The following USP33 variants were observed in gnomAD, a reference collection of about 807,000 sequenced individuals.
USP33 encodes ubiquitin specific peptidase 33.
A neutral mutation model predicts 124.2 loss-of-function variants in USP33; 46 were observed. The ratio of observed to expected loss-of-function variants is 0.37; its 90% CI spans 0.29 to 0.47. USP33 has a LOEUF of 0.47. Ranked by LOEUF, USP33 falls within the 20% of genes least tolerant of loss-of-function variation. The pLI, the probability that USP33 is intolerant of heterozygous loss-of-function variation, is 0.99. For synonymous variants in USP33, 350 were observed against 352.3 expected (o/e 0.99, Z 0.07); for missense variants, 851 against 1,070.6 (o/e 0.79, Z 2.86).
intron 7 of USP33, among the ~76,000 whole-genome samples, chr1:77,733,305 G>T (rs2101496812): frequency 6.6e-6 from 1 of 151,732 alleles, no homozygotes; most frequent in East Asian, 1.9e-4. Context: ...GAAGCAGGAG[G>T]ATCACACAAA....
intron 4 of USP33, among the ~76,000 whole-genome samples, chr1:77,740,435 C>G (rs1039622348): frequency 1.3e-5 from 2 of 151,614 alleles, no homozygotes; most frequent in African/African-American, 4.8e-5. Context: ...CTCACTGCAA[C>G]CTCCGCCTCC....
In USP33 at chr1:77,748,785, C is replaced by G. The variant is rs56406553; in HGVS notation, c.-51-7037G>C. 4.0e-4 allele frequency among the ~76,000 whole-genome samples: 44 copies of G among 111,028 alleles called. 1 individual carries two copies. Among genetic ancestry groups the G allele is most frequent in the Middle Eastern group, 4.1e-3 (1 of 242 alleles). The allele number at this position is 111,028 out of a possible 152,430, so 72.8% of individuals were successfully genotyped here. On this transcript the variant is annotated intron_variant, in intron 1 of 23. Transcript: ENST00000370794. ...TTTGGCAGCATTCCTTCCCTCCCCC[C>G]CCCCCCCGTGCTTGAATCAGGATTG...
intron 19 of USP33, among the ~76,000 whole-genome samples, chr1:77,713,846 C>T (rs11801836): frequency 0.052 from 7,938 of 152,170 alleles, 267 homozygotes; most frequent in Non-Finnish European, 0.071. Flanking sequence ...GCCACTGCAC[C>T]CAGCTCAATC....
chr1:77,730,564 T>C, intron 8 of USP33, 54 bp downstream of exon 8: 4 of 1,293,628 alleles, frequency 3.1e-6, no homozygotes, highest in Non-Finnish European at 4.1e-6. Flanking sequence ...TTTAAATATT[T>C]ATAATATTCA....
At chr1:77,753,889 T>C (rs1162091627) in intron 1 of USP33, among the ~76,000 whole-genome samples, 1 of 151,578 alleles carries the variant, frequency 6.6e-6, no homozygotes, top group Non-Finnish European at 1.5e-5. Flanking sequence ...GAGGGTGATA[T>C]AGTAAGTACT....
At chr1:77,714,056 T>C (rs1321721032) in intron 19 of USP33, among the ~76,000 whole-genome samples, 1 of 152,232 alleles carries the variant, frequency 6.6e-6, no homozygotes, top group Non-Finnish European at 1.5e-5. Flanking sequence ...ACAAAGGTCC[T>C]ATTTATTGTA....
At chr1:77,697,546 C>A (rs1288875509) in intron 23 of USP33, 72 bp from the exon 24 acceptor site, 1 of 1,474,068 alleles carries the variant, frequency 6.8e-7, no homozygotes. Flanking sequence ...CATAATGTAC[C>A]CCCCAGCATG....
Position 77,697,325 on chromosome 1 carries a change from A to C in USP33, c.2728T>G (p.Ser910Ala), listed in dbSNP as rs1187353079. The C allele has an allele frequency of 8.1e-6, 13 of 1,600,870 alleles. No individual in the cohort carries two copies. The highest frequency in any genetic ancestry group is 3.4e-6 in the Non-Finnish European group (4 of 1,176,208). Residue 910 changes from serine (S) to alanine (A), a missense_variant, in exon 24 of 24, where the codon TCT (serine) becomes GCT (alanine). Ser to Ala is a moderately conservative substitution (Grantham distance 99). Around this residue, in one of 4 missense-constraint regions of USP33, gnomAD observed 142 missense variants for 141.8 expected, o/e 1.00. Transcript: ENST00000370794. ...TCTCTACATCCTAAAAATTACAAAG[A>C]CCGAGTTTCTACTTCAATTTTTTCT... is the stretch of plus-strand genomic sequence containing the variant. ...AEEKIEVETR[S>A]L
At chr1:77,750,179 A>T (rs987407747) in intron 1 of USP33, among the ~76,000 whole-genome samples, 3 of 152,048 alleles carry the variant, frequency 2.0e-5, no homozygotes, top group Non-Finnish European at 4.4e-5. Flanking sequence ...TTAGCCGTGC[A>T]TAGTGGTGGG....
At chr1:77,750,638 A>AAGAG (rs2101602162) in intron 1 of USP33, among the ~76,000 whole-genome samples, 1 of 143,626 alleles carries the variant, frequency 7.0e-6, no homozygotes, top group African/African-American at 2.7e-5. Context: ...GAAAGAAAGA[A>AAGAG]AGAAAGAAAG....
chr1:77,726,624 T>G (rs1422476374), intron 10 of USP33, among the ~76,000 whole-genome samples: 3 of 144,980 alleles, frequency 2.1e-5, no homozygotes, highest in African/African-American at 7.9e-5. Context: ...CCAGCCTGGG[T>G]GACAGAATGA....
intron 1 of USP33, 97 bp downstream of exon 1, chr1:77,759,546 G>C: frequency 2.5e-6 from 1 of 398,056 alleles, no homozygotes; most frequent in Non-Finnish European, 4.4e-6. Flanking sequence ...TGCAGCGGCC[G>C]CAACCCCAGC....
intron 21 of USP33, among the ~76,000 whole-genome samples, chr1:77,708,320 C>T (rs934513709): frequency 6.6e-5 from 10 of 152,102 alleles, no homozygotes; most frequent in Non-Finnish European, 1.2e-4. Flanking sequence ...ATGATTTTCC[C>T]CTCTGGTGGC....
At chr1:77,720,239 TTATA>T in intron 15 of USP33, 1 of 827,310 alleles carries the variant, frequency 1.2e-6, no homozygotes, top group Non-Finnish European at 1.5e-6. Flanking sequence ...ATGGTTATTA[TTATA>T]TAATCAAAAT....
At chr1:77,755,694 AC>A (rs1482197945) in intron 1 of USP33, among the ~76,000 whole-genome samples, 1 of 152,200 alleles carries the variant, frequency 6.6e-6, no homozygotes, top group African/African-American at 2.4e-5. Context: ...AGACCCTTTC[AC>A]AAAAAAGTAA....
intron 12 of USP33, 102 bp from the exon 13 acceptor site, chr1:77,722,298 CA>C (rs200115426): frequency 3.4e-5 from 30 of 889,162 alleles, no homozygotes; most frequent in Middle Eastern, 3.2e-4. Flanking sequence ...TTTAAATAAG[CA>C]AAAAAAACAA....
At chr1:77,720,691 T>G (rs1371879639) in intron 15 of USP33, 1 of 843,316 alleles carries the variant, frequency 1.2e-6, no homozygotes, top group Non-Finnish European at 1.4e-6. Context: ...CTAAGAAGCA[T>G]TAAAAGTCTA....
At chr1:77,752,873 T>G (rs1232768230) in intron 1 of USP33, among the ~76,000 whole-genome samples, 1 of 151,474 alleles carries the variant, frequency 6.6e-6, no homozygotes, top group Non-Finnish European at 1.5e-5. Flanking sequence ...AGGTCAGGAG[T>G]TCATTACCAG....
chr1:77,730,495 G>C, intron 8 of USP33, 123 bp downstream of exon 8: 1 of 626,236 alleles, frequency 1.6e-6, no homozygotes, highest in Non-Finnish European at 2.5e-6. Context: ...CTGAAACAAA[G>C]CTGTCTCTAA....
Sources: gnomAD v4.1 joint callset for allele counts (sites outside exome capture counted in the v4.1 genomes callset) on GRCh38, gnomAD v4.1.1 for gene constraint, gnomAD v4.1.1 regional missense constraint, MANE v1.5 for transcripts, NCBI Gene and HGNC (gene_info 2026-07-23, HGNC 2026-07-21) for gene names.